Variants in ZNF541 observed in about 807,000 individuals in gnomAD.
ZNF541 encodes the protein zinc finger protein 541.
ZNF541 carries 23 observed loss-of-function variants against 123.5 expected under a neutral mutation model. That is an observed-to-expected ratio of 0.19 (90% confidence interval 0.13 to 0.26). ZNF541 has a LOEUF of 0.26. ZNF541 is among the 10% of genes least tolerant of loss of function. ZNF541 has a pLI of 1.00. For synonymous variants in ZNF541, 751 were observed against 754.5 expected (o/e 1.00, Z 0.08); for missense variants, 1,612 against 1,789.9 (o/e 0.90, Z 1.79).
chr19:47,522,503 AC>A (rs747511707), intron 14 of ZNF541, among the ~76,000 whole-genome samples: 4 of 152,208 alleles, frequency 2.6e-5, no homozygotes, highest in Non-Finnish European at 5.9e-5. Context: ...TCTGTTAAAA[AC>A]AAAAGGGAAG....
intron 2 of ZNF541, among the ~76,000 whole-genome samples, chr19:47,557,038 G>A (rs1429860632): frequency 1.3e-5 from 2 of 152,120 alleles, no homozygotes; most frequent in African/African-American, 4.8e-5. Flanking sequence ...GATTACAGGC[G>A]TGAGCCACTG....
intron 12 of ZNF541, among the ~76,000 whole-genome samples, chr19:47,530,700 G>A (rs1969527881): frequency 6.6e-6 from 1 of 151,986 alleles, no homozygotes. Flanking sequence ...AGGCTGGAGT[G>A]CAGTGGTGCG....
chr19:47,541,721 G>A (rs557726691), intron 5 of ZNF541, among the ~76,000 whole-genome samples: 4 of 152,298 alleles, frequency 2.6e-5, no homozygotes, highest in South Asian at 2.1e-4. Flanking sequence ...CTTCACACCC[G>A]CCAGGGTAGT....
rs193085951 is a variant in ZNF541, at chr19:47,555,509, G to A, written c.307+41C>T. 5.1e-5 allele frequency: 75 copies of A among 1,481,766 alleles called. No homozygotes were observed. The South Asian group carries it at 7.0e-4, about 14-fold the overall frequency. The allele number at this position is 1,481,766 out of a possible 1,614,324, so 91.8% of individuals were successfully genotyped here. On this transcript the variant is annotated intron_variant, in intron 3 of 16. Coordinates refer to ENST00000391901, the MANE Select transcript of ZNF541 (RefSeq NM_001277075.3). ...TCCCTAGCTGGCCACAGAAACTGTC[G>A]AACATCCTGCAGGGCCCTTCTACCC...
intron 9 of ZNF541, among the ~76,000 whole-genome samples, chr19:47,533,765 T>C (rs965397555): frequency 3.9e-5 from 6 of 151,986 alleles, no homozygotes; most frequent in Non-Finnish European, 1.5e-5. Flanking sequence ...CACTTGAACC[T>C]GGGAGGCAGA....
intron 2 of ZNF541, among the ~76,000 whole-genome samples, chr19:47,564,019 A>G (rs1220736465): frequency 6.6e-6 from 1 of 152,196 alleles, no homozygotes; most frequent in East Asian, 1.9e-4. Context: ...TCCCTTTTAC[A>G]AATAAGAGAG....
intron 2 of ZNF541, among the ~76,000 whole-genome samples, chr19:47,557,433 A>G (rs1599727611): frequency 6.6e-6 from 1 of 152,208 alleles, no homozygotes; most frequent in Non-Finnish European, 1.5e-5. Context: ...AATGACAATT[A>G]CCCTGATGGC....
Position 47,538,917 on chromosome 19 carries a change from G to A in ZNF541, c.2797-478C>T, listed in dbSNP as rs1035663555. ...ACAAGCCCTACGAGACTGATCACTCGTAACTCACCATGCTCTCTCTCACTT... is the reference window on the plus strand; with the variant it reads ...ACAAGCCCTACGAGACTGATCACTCATAACTCACCATGCTCTCTCTCACTT... On this transcript the variant is annotated intron_variant, in intron 8 of 16. Coordinates refer to ENST00000391901, the MANE Select transcript of ZNF541 (RefSeq NM_001277075.3). Among the ~76,000 whole-genome samples the A allele has an allele frequency of 3.9e-5, 6 of 152,052 alleles. No individual in the cohort carries two copies. The South Asian group carries it at 6.2e-4, about 16-fold the overall frequency.
chr19:47,534,631 C>T (rs1039514278), intron 9 of ZNF541, among the ~76,000 whole-genome samples: 40 of 150,916 alleles, frequency 2.7e-4, no homozygotes, highest in African/African-American at 9.5e-4. Context: ...GGTGACACAG[C>T]AAGACTCTGT....
chr19:47,535,762 G>A (rs766231717), intron 9 of ZNF541, among the ~76,000 whole-genome samples: 32 of 149,976 alleles, frequency 2.1e-4, no homozygotes, highest in Non-Finnish European at 3.4e-4. Context: ...TAGCTCTTTC[G>A]CCCAGGCTAA....
intron 14 of ZNF541, among the ~76,000 whole-genome samples, chr19:47,525,054 G>A (rs1969220348): frequency 6.6e-6 from 1 of 152,142 alleles, no homozygotes; most frequent in African/African-American, 2.4e-5. Context: ...GGAGGCTGAG[G>A]CAGGTAGATC....
chr19:47,549,119 C>A, intron 4 of ZNF541, 126 bp downstream of exon 4: 2 of 1,249,432 alleles, frequency 1.6e-6, no homozygotes, highest in South Asian at 1.5e-5. Context: ...AGAGGTAATA[C>A]ACGTCTGGAA....
At chr19:47,528,550 CA>C (rs950557595) in intron 14 of ZNF541, among the ~76,000 whole-genome samples, 1 of 151,940 alleles carries the variant, frequency 6.6e-6, no homozygotes, top group Non-Finnish European at 1.5e-5. Flanking sequence ...CTCCTGATCT[CA>C]AGTGATCCTC....
chr19:47,523,730 A>G (rs1000394063), intron 14 of ZNF541, among the ~76,000 whole-genome samples: 1 of 152,214 alleles, frequency 6.6e-6, no homozygotes, highest in African/African-American at 2.4e-5. Context: ...TTTCCAGGCC[A>G]CCACCCAGGC....
chr19:47,542,016 G>C (rs996591174), intron 5 of ZNF541, among the ~76,000 whole-genome samples: 2 of 152,122 alleles, frequency 1.3e-5, no homozygotes, highest in Admixed American at 1.3e-4. Flanking sequence ...AATAAAACGC[G>C]GCCTTATCCA....
At position 47,544,398 on chromosome 19, in the gene ZNF541, C is replaced by T. The variant is rs1227571883; in HGVS notation, c.2131G>A (p.Ala711Thr). ...GGGGCCTGCTTCCCTGGCAGCGAGG[C>T]TCCTGGTGGCTCCTCCCCACCTAAC... ...TQLGGEEPPG[A>T]SLPGKQAPAE... Residue 711 changes from alanine to threonine, a missense_variant, in exon 5 of 17, where the codon GCC becomes ACC. By Grantham distance (58) the Ala-to-Thr change is moderately conservative. Around this residue, in one of 5 missense-constraint regions of ZNF541, gnomAD observed 1,080 missense variants for 1,013.8 expected, o/e 1.07. Transcript: ENST00000391901. The T allele has an allele frequency of 4.5e-6, 7 of 1,551,506 alleles. No individual in the cohort carries two copies. The highest frequency in any genetic ancestry group is 2.0e-5 in the Admixed American group (1 of 50,990).
At chr19:47,556,427 T>A (rs1428088939) in intron 2 of ZNF541, among the ~76,000 whole-genome samples, 1 of 152,164 alleles carries the variant, frequency 6.6e-6, no homozygotes, top group Admixed American at 6.5e-5. Context: ...CATGTGGCTA[T>A]GAAGTACTTG....
chr19:47,527,743 A>G (rs1352497658), intron 14 of ZNF541, among the ~76,000 whole-genome samples: 4 of 151,404 alleles, frequency 2.6e-5, no homozygotes, highest in Non-Finnish European at 5.9e-5. Flanking sequence ...CTTGTTGTCC[A>G]GGCTGGAGTG....
intron 14 of ZNF541, among the ~76,000 whole-genome samples, chr19:47,522,219 C>T (rs1356432239): frequency 6.6e-6 from 1 of 152,246 alleles, no homozygotes; most frequent in African/African-American, 2.4e-5. Flanking sequence ...AGCCTGCACA[C>T]TCTGAGCAGC....
Sources: gnomAD v4.1 joint callset for allele counts (sites outside exome capture counted in the v4.1 genomes callset) on GRCh38, gnomAD v4.1.1 for gene constraint, gnomAD v4.1.1 regional missense constraint, MANE v1.5 for transcripts, NCBI Gene and HGNC (gene_info 2026-07-23, HGNC 2026-07-21) for gene names.